MYO10: variants seen among roughly 807,000 people sequenced by gnomAD.
MYO10 encodes unconventional myosin-X.
Under a neutral mutation model 257.3 loss-of-function variants are expected in MYO10, and 133 were observed. That is an observed-to-expected ratio of 0.52 (90% CI 0.45 to 0.60). The LOEUF (loss-of-function observed/expected upper bound fraction) is 0.60. Ranked by LOEUF, MYO10 falls within the 20% of genes least tolerant of loss-of-function variation. The pLI is 0.00. For synonymous variants in MYO10, 1,104 were observed against 1,028.6 expected (o/e 1.07, Z -1.40); for missense variants, 2,399 against 2,635.7 (o/e 0.91, Z 1.97).
chr5:16,792,590 C>G lies in MYO10; in HGVS notation c.467+2056G>C, dbSNP rs199600037. Among the ~76,000 whole-genome samples the G allele has an allele frequency of 8.6e-3, 989 of 114,428 alleles. 16 individuals carry two copies. The highest frequency in any genetic ancestry group is 0.043 in the African/African-American group (905 of 21,140). The allele number at this position is 114,428 out of a possible 152,430, so 75.1% of individuals were successfully genotyped here. A position where few individuals can be genotyped will look rare whatever the true frequency, so the allele number is the denominator to read the frequency against. ...AGTCCCTCCCCACAGGAGCGGGGGGCGGGGGGCTGCTCTAAGTGCTCTGGG... is the reference window on the plus strand; with the variant it reads ...AGTCCCTCCCCACAGGAGCGGGGGGGGGGGGGCTGCTCTAAGTGCTCTGGG... On this transcript the variant is annotated intron_variant, in intron 4 of 40. Coordinates refer to ENST00000513610, the MANE Select transcript of MYO10 (RefSeq NM_012334.3).
chr5:16,748,621 A>AGAGGGAGGGAGGGAGGGAGGGAGGGAGG (rs34338717), intron 19 of MYO10, among the ~76,000 whole-genome samples: 1 of 135,400 alleles, frequency 7.4e-6, no homozygotes, highest in African/African-American at 2.7e-5. Context: ...AGAGAGGGAG[A>AGAGGGAGGGAGGGAGGGAGGGAGGGAGG]GAGGGAGGGA....
At chr5:16,703,879 T>G (rs1738203858) in intron 22 of MYO10, among the ~76,000 whole-genome samples, 2 of 40,590 alleles carry the variant, frequency 4.9e-5, no homozygotes, top group African/African-American at 3.0e-4. Flanking sequence ...AGACTCTGTC[T>G]CAAAAAAAAA....
chr5:16,757,944 C>T (rs140441391), intron 18 of MYO10, among the ~76,000 whole-genome samples, 174 bp downstream of exon 18: 4 of 152,196 alleles, frequency 2.6e-5, no homozygotes, highest in East Asian at 1.9e-4. Context: ...AGAATACAGG[C>T]GTGAGCCAAA....
chr5:16,790,495 G>T (rs781126046), intron 4 of MYO10, among the ~76,000 whole-genome samples: 1 of 152,180 alleles, frequency 6.6e-6, no homozygotes, highest in South Asian at 2.1e-4. Flanking sequence ...ACTGAATCAT[G>T]AGGGTGGTTT....
intron 27 of MYO10, among the ~76,000 whole-genome samples, 192 bp downstream of exon 27, chr5:16,694,179 T>A (rs1374335691): frequency 1.3e-5 from 2 of 152,184 alleles, no homozygotes; most frequent in African/African-American, 4.8e-5. Flanking sequence ...CTGAGTGTAA[T>A]CACAAAAAGC....
At chr5:16,779,704 A>T in intron 8 of MYO10, 56 bp from the exon 9 acceptor site, 1 of 1,014,848 alleles carries the variant, frequency 9.9e-7, no homozygotes, top group Non-Finnish European at 1.5e-6. Flanking sequence ...TGAAATTCAG[A>T]GTTTTCACTC....
chr5:16,856,118 C>G (rs1016398610), intron 2 of MYO10, among the ~76,000 whole-genome samples: 27 of 152,212 alleles, frequency 1.8e-4, no homozygotes, highest in African/African-American at 6.5e-4. Context: ...AAGTCTTCAT[C>G]TAGGAAACCC....
chr5:16,914,428 TCAG>T (rs1263594249), intron 1 of MYO10, among the ~76,000 whole-genome samples: 1 of 152,276 alleles, frequency 6.6e-6, no homozygotes, highest in Admixed American at 6.5e-5. Context: ...CAGATAGCGG[TCAG>T]CAGAACAGAT....
chr5:16,762,263 G>A (rs1177997441), intron 15 of MYO10, 150 bp from the exon 16 acceptor site: 18 of 1,051,064 alleles, frequency 1.7e-5, no homozygotes, highest in Non-Finnish European at 2.4e-5. Flanking sequence ...ACGGCATATG[G>A]TGCACTTTAT....
intron 10 of MYO10, among the ~76,000 whole-genome samples, chr5:16,768,386 C>T (rs752971260): frequency 2.0e-5 from 3 of 152,142 alleles, no homozygotes; most frequent in Admixed American, 6.6e-5. Flanking sequence ...AGCATACTGG[C>T]TTGCAAAACA....
chr5:16,739,553 G>C (rs1049947614), intron 19 of MYO10, among the ~76,000 whole-genome samples: 2 of 152,066 alleles, frequency 1.3e-5, no homozygotes, highest in African/African-American at 2.4e-5. Flanking sequence ...ACCTTAAGGA[G>C]AAAGTATTTG....
chr5:16,824,736 A>G (rs955645400), intron 2 of MYO10, among the ~76,000 whole-genome samples: 5 of 151,982 alleles, frequency 3.3e-5, no homozygotes, highest in African/African-American at 1.2e-4. Flanking sequence ...GCGTGGTGGC[A>G]CGCACCTGTA....
chr5:16,723,109 G>T (rs1230870573), intron 19 of MYO10, among the ~76,000 whole-genome samples: 1 of 152,200 alleles, frequency 6.6e-6, no homozygotes. Flanking sequence ...AGGCGTGGTG[G>T]CTCACGCCTG....
chr5:16,664,083 A>C lies in MYO10; in HGVS notation c.*2609T>G, dbSNP rs149130576. On this transcript the variant is annotated 3_prime_UTR_variant, in exon 41 of 41. Transcript: ENST00000513610. ...TCAGCTGTGATGCTGCTCTACAGTG[A>C]TGGGGGATGCTACCACTGGGGAAAC... 1.6e-4 allele frequency: 24 copies of C among 152,288 alleles called. No individual in the cohort carries two copies. Among genetic ancestry groups the C allele is most frequent in the African/African-American group, 5.8e-4 (24 of 41,544 alleles). 9.4% of individuals were successfully genotyped at this position (152,288 alleles called of 1,614,324 possible). A position where few individuals can be genotyped will look rare whatever the true frequency, so the allele number is the denominator to read the frequency against.
In MYO10 at chr5:16,762,143, A is replaced by AAAAAAT. The variant is rs370443366; in HGVS notation, c.1588-31_1588-30insATTTTT. On this transcript the variant is annotated intron_variant, in intron 15 of 40. Transcript: ENST00000513610. ...AAAAAAAAAAAAAAAAAAAAAAAAA[A>AAAAAAT]ATACAATGCCTTATTTCACTCACTG... 1.7e-3 allele frequency: 1,881 copies of AAAAAAT among 1,090,872 alleles called. 70 individuals carry two copies. Among genetic ancestry groups the AAAAAAT allele is most frequent in the South Asian group, 3.2e-3 (170 of 53,332 alleles). 67.6% of individuals were successfully genotyped at this position (1,090,872 alleles called of 1,614,324 possible).
chr5:16,842,714 C>A (rs1445539360), intron 2 of MYO10, among the ~76,000 whole-genome samples: 1 of 152,030 alleles, frequency 6.6e-6, no homozygotes, highest in Non-Finnish European at 1.5e-5. Context: ...CGCTTGAGAC[C>A]AGGAGTTTGA....
At chr5:16,746,686 T>C (rs552508014) in intron 19 of MYO10, among the ~76,000 whole-genome samples, 16 of 152,202 alleles carry the variant, frequency 1.1e-4, no homozygotes, top group Non-Finnish European at 2.2e-4. Flanking sequence ...GCAAGGTGCC[T>C]ATTTGTGGTG....
intron 22 of MYO10, among the ~76,000 whole-genome samples, chr5:16,703,887 A>C (rs1172995859): frequency 7.8e-6 from 1 of 127,954 alleles, no homozygotes; most frequent in African/African-American, 4.6e-5. Context: ...TCTCAAAAAA[A>C]AAAAAAAAAA....
In MYO10 at chr5:16,756,427, T is replaced by C. The variant is rs927524255; in HGVS notation, c.1849-1519A>G. 5.9e-5 allele frequency among the ~76,000 whole-genome samples: 9 copies of C among 152,162 alleles called. No homozygotes were observed. The South Asian group carries it at 1.0e-3, about 17-fold the overall frequency. On this transcript the variant is annotated intron_variant, in intron 18 of 40. Transcript: ENST00000513610. ...TGCAAATATGGTCCATTCATTGTAA[T>C]TGGTGGATGCATCTTTTCAGTCTCT...
Sources: allele counts gnomAD v4.1 joint callset (sites outside exome capture counted in the v4.1 genomes callset), GRCh38; gene constraint gnomAD v4.1.1; transcripts MANE v1.5; gene names NCBI Gene and HGNC (gene_info 2026-07-23, HGNC 2026-07-21).